Variants in ACO2 observed in about 807,000 individuals in gnomAD.
ACO2 encodes aconitate hydratase, mitochondrial.
A neutral mutation model predicts 84.5 loss-of-function variants in ACO2; 31 were observed. The observed-to-expected ratio is 0.37, with a 90% CI of 0.28 to 0.50. The LOEUF (loss-of-function observed/expected upper bound fraction) is 0.50. Among genes scored for constraint, ACO2 ranks in the 20% least tolerant of loss-of-function variants. The probability of loss-of-function intolerance (pLI) is 0.97; values close to 1 mark genes in which losing one functional copy is unlikely to be tolerated. For missense variants in ACO2, 685 were observed against 1,029.3 expected (o/e 0.67, Z 4.58); for synonymous variants, 414 against 412.7 (o/e 1.00, Z -0.04).
rs765694409 is a variant in ACO2 at position 41,507,950 on chromosome 22, C to T, written c.333C>T (p.Ile111=). The change falls in exon 3 of 18, where the codon ATC becomes ATT. Residue 111 remains isoleucine (I), a synonymous_variant. Transcript: ENST00000216254. ...ATAQMAMLQF[I]SSGLSKVAVP... Reference sequence around the variant, plus strand: ...CCCAGATGGCCATGCTCCAGTTCATCAGCAGCGGGCTGTCCAAGGTGGCTG... The same window carrying T: ...CCCAGATGGCCATGCTCCAGTTCATTAGCAGCGGGCTGTCCAAGGTGGCTG... 1 of 1,614,250 alleles carries T rather than the reference C, an allele frequency of 6.2e-7. No homozygotes were observed. The highest frequency in any genetic ancestry group is 1.1e-5 in the South Asian group (1 of 91,090).
intron 1 of ACO2, among the ~76,000 whole-genome samples, chr22:41,489,016 A>C (rs780661489): frequency 5.9e-5 from 9 of 151,536 alleles, no homozygotes; most frequent in Non-Finnish European, 1.3e-4. Context: ...ATTTTGATAC[A>C]GCTGGAATAA....
chr22:41,508,396 A>T (rs1360137364), intron 3 of ACO2, among the ~76,000 whole-genome samples: 1 of 152,146 alleles, frequency 6.6e-6, no homozygotes, highest in East Asian at 1.9e-4. Context: ...GCATCTTAGC[A>T]TAGTTTGCCA....
intron 1 of ACO2, among the ~76,000 whole-genome samples, chr22:41,489,497 C>T (rs925094467): frequency 6.6e-6 from 1 of 152,198 alleles, no homozygotes; most frequent in Non-Finnish European, 1.5e-5. Flanking sequence ...TACAGCAGCA[C>T]CCCCGCTCCC....
At chr22:41,528,415 C>G in intron 17 of ACO2, 64 bp from the exon 18 acceptor site, 1 of 1,583,982 alleles carries the variant, frequency 6.3e-7, no homozygotes. Context: ...CTCCCTGACC[C>G]CCCTGCGGGG....
rs1191917026 is a variant in ACO2 at position 41,469,145 on chromosome 22, A to G, written c.-2A>G. On this transcript the variant is annotated 5_prime_UTR_variant, in exon 1 of 18. Coordinates refer to ENST00000216254, the MANE Select transcript of ACO2 (RefSeq NM_001098.3). The stretch of plus-strand genomic sequence containing the variant: ...GCGACCTCATCTTTGTCAGTGCACA[A>G]AATGGCGCCCTACAGCCTACTGGTG... 1.9e-6 allele frequency: 3 copies of G among 1,608,834 alleles called. No individual in the cohort carries two copies. Among genetic ancestry groups the G allele is most frequent in the South Asian group, 2.2e-5 (2 of 90,540 alleles).
rs754958998 is a variant in ACO2 at position 41,507,760 on chromosome 22, C to T, written c.174-31C>T. On this transcript the variant is annotated intron_variant, in intron 2 of 17. Coordinates refer to ENST00000216254, the MANE Select transcript of ACO2 (RefSeq NM_001098.3). ...GCGGGAGGAGGCCGTGCAGCTAGCA[C>T]CAGGCCACCCTTCTGCTCTTCTCCC... 3.3e-5 allele frequency: 53 copies of T among 1,598,348 alleles called. 1 individual carries two copies. The highest frequency in any genetic ancestry group is 4.5e-5 in the Non-Finnish European group (53 of 1,169,486).
chr22:41,499,938 T>C, intron 2 of ACO2, 76 bp downstream of exon 2: 1 of 1,572,266 alleles, frequency 6.4e-7, no homozygotes, highest in Admixed American at 1.7e-5. Context: ...GAGAAGGAGG[T>C]GTTTTGTGAA....
chr22:41,515,940 G>C lies in ACO2; in HGVS notation c.835+23G>C. ...CTGGTGAGGAAGGCGGCCAGGCGAC[G>C]TGGCCCCTACCCTGTGCTGGGCCTG... is the stretch of plus-strand genomic sequence containing the variant. On this transcript the variant is annotated intron_variant, in intron 6 of 17. Transcript: ENST00000216254. The surrounding 1 kb of genome is among the most constrained non-coding windows in gnomAD (Gnocchi z 5.8). 6.2e-7 allele frequency: 1 copy of C among 1,607,794 alleles called. No homozygotes were observed.
chr22:41,492,500 G>A (rs767940128), intron 1 of ACO2, among the ~76,000 whole-genome samples: 59 of 152,196 alleles, frequency 3.9e-4, no homozygotes, highest in Admixed American at 1.9e-3. Context: ...TAGGCCAGGC[G>A]CAGTGGCTTA....
At position 41,526,348 on chromosome 22, in the gene ACO2, C is replaced by T. The variant is rs779509994; in HGVS notation, c.1848C>T (p.Asn616=). The T allele has an allele frequency of 9.9e-6, 16 of 1,613,402 alleles. No homozygotes were observed. The South Asian group carries it at 1.3e-4, about 13-fold the overall frequency. ...FRGHLDNISN[N]LLIGAINIEN... ...GGCACTTGGATAACATCTCCAACAA[C>T]CTGCTCATTGGTGCCATCAACATTG... is the stretch of plus-strand genomic sequence containing the variant. Residue 616 remains asparagine, a synonymous_variant, in exon 15 of 18, where the codon AAC becomes AAT. Coordinates refer to ENST00000216254, the MANE Select transcript of ACO2 (RefSeq NM_001098.3).
rs747457781 is a variant in ACO2, at chr22:41,515,748, C to T, written c.685-19C>T. 6.2e-7 allele frequency: 1 copy of T among 1,612,674 alleles called. No individual in the cohort carries two copies. The highest frequency in any genetic ancestry group is 1.1e-5 in the South Asian group (1 of 91,016). On this transcript the variant is annotated intron_variant, in intron 5 of 17. Coordinates refer to ENST00000216254, the MANE Select transcript of ACO2 (RefSeq NM_001098.3). This position sits in a 1 kb window ranked among gnomAD's most constrained non-coding sequence, Gnocchi z 5.8. Reference sequence around the variant, plus strand: ...GGCACACACGGCCTCTCACAGCCGCCTCGCCCCCTCCTGTCCAGGTGATTG... The same window carrying T: ...GGCACACACGGCCTCTCACAGCCGCTTCGCCCCCTCCTGTCCAGGTGATTG...
intron 1 of ACO2, among the ~76,000 whole-genome samples, chr22:41,488,871 G>C (rs2066252281): frequency 6.6e-6 from 1 of 152,124 alleles, no homozygotes; most frequent in Non-Finnish European, 1.5e-5. Flanking sequence ...CAGGTTCAGT[G>C]GTTACCAGAT....
At chr22:41,524,747 C>T in intron 12 of ACO2, 99 bp from the exon 13 acceptor site, 1 of 1,567,172 alleles carries the variant, frequency 6.4e-7, no homozygotes, top group South Asian at 1.1e-5. Context: ...ATGGAAATTT[C>T]CTGGGTTCCT....
In ACO2 at chr22:41,469,141, C is replaced by T. The variant is rs779123884; in HGVS notation, c.-6C>T. 6.8e-6 allele frequency: 11 copies of T among 1,608,874 alleles called. No individual in the cohort carries two copies. Among genetic ancestry groups the T allele is most frequent in the Admixed American group, 1.7e-5 (1 of 59,398 alleles). On this transcript the variant is annotated 5_prime_UTR_variant, in exon 1 of 18. Transcript: ENST00000216254. The stretch of plus-strand genomic sequence containing the variant: ...TAATGCGACCTCATCTTTGTCAGTG[C>T]ACAAAATGGCGCCCTACAGCCTACT...
At chr22:41,504,967 G>A (rs773498113) in intron 2 of ACO2, among the ~76,000 whole-genome samples, 1 of 151,600 alleles carries the variant, frequency 6.6e-6, no homozygotes, top group African/African-American at 2.4e-5. Flanking sequence ...TGTCTGCCTC[G>A]GCCTCCTAAA....
rs762835753 is a variant in ACO2, at chr22:41,528,622, C to G, written c.*9C>G. 6.5e-7 allele frequency: 1 copy of G among 1,541,878 alleles called. No homozygotes were observed. The highest frequency in any genetic ancestry group is 8.7e-7 in the Non-Finnish European group (1 of 1,148,010). ...AGGAACTGCAACAGTGAGGGCAGTG[C>G]CTCCCCGCCCCGCCGCTGGCGTCAA... On this transcript the variant is annotated 3_prime_UTR_variant, in exon 18 of 18. Transcript: ENST00000216254.
chr22:41,470,394 A>G (rs202146620), intron 1 of ACO2, among the ~76,000 whole-genome samples: 1 of 152,298 alleles, frequency 6.6e-6, no homozygotes, highest in East Asian at 1.9e-4. Flanking sequence ...TTAAACTTGA[A>G]CTTATTTTTC....
intron 16 of ACO2, 143 bp downstream of exon 16, chr22:41,527,563 G>C (rs763508818): frequency 1.7e-6 from 2 of 1,188,080 alleles, no homozygotes; most frequent in Non-Finnish European, 2.3e-6. Context: ...CCCCTTCTTA[G>C]GCTCACACAG....
intron 4 of ACO2, chr22:41,512,215 G>A (rs1251998841): frequency 3.3e-5 from 14 of 429,380 alleles, no homozygotes; most frequent in Non-Finnish European, 5.4e-5. Context: ...TTTTAAGTGC[G>A]ACATGTTTCT....
Sources: gnomAD v4.1 joint callset for allele counts (sites outside exome capture counted in the v4.1 genomes callset) on GRCh38, gnomAD v4.1.1 for gene constraint, Gnocchi (gnomAD v3.1) non-coding constraint, MANE v1.5 for transcripts, NCBI Gene and HGNC (gene_info 2026-07-23, HGNC 2026-07-21) for gene names.